NBAS: variants seen among roughly 807,000 people sequenced by gnomAD.
The protein encoded by NBAS is NBAS subunit of NRZ tethering complex, also known as NAG/BC035112 fusion.
NBAS carries 219 observed loss-of-function variants against 302.5 expected under a neutral mutation model. The ratio of observed to expected loss-of-function variants is 0.72; its 90% CI spans 0.65 to 0.81. The LOEUF is 0.81. NBAS is among the 30% of genes least tolerant of loss of function. NBAS has a pLI of 0.00. For missense variants in NBAS, 2,932 were observed against 2,841.6 expected (o/e 1.03, Z -0.72); for synonymous variants, 1,118 against 1,021.6 (o/e 1.09, Z -1.80).
chr2:14,816,243 T>A, the NBAS span, among the ~76,000 whole-genome samples: 1 of 152,190 alleles, frequency 6.6e-6, no homozygotes, highest in African/African-American at 2.4e-5. Flanking sequence ...AGGTGAGCAG[T>A]GTGAGTGAGC....
intron 16 of NBAS, among the ~76,000 whole-genome samples, chr2:15,472,788 T>G (rs1680015931): frequency 6.6e-6 from 1 of 152,212 alleles, no homozygotes; most frequent in Admixed American, 6.5e-5. Context: ...CATGGATATG[T>G]CCCTTCAGCC....
Position 15,208,008 on chromosome 2 carries a change from C to A in NBAS, c.6432+10765G>T, listed in dbSNP as rs117440885. On this transcript the variant is annotated intron_variant, in intron 48 of 51. Coordinates refer to ENST00000281513, the MANE Select transcript of NBAS (RefSeq NM_015909.4). ...TATAACAGTTGTAAATATATATGCA[C>A]CCAATGCTTGAGCACCCAGATATAT... 4.9e-4 allele frequency among the ~76,000 whole-genome samples: 74 copies of A among 149,892 alleles called. No individual in the cohort carries two copies. The East Asian group carries it at 0.014, about 29-fold the overall frequency.
chr2:15,054,389 G>A, the NBAS span, among the ~76,000 whole-genome samples: 8 of 152,286 alleles, frequency 5.3e-5, no homozygotes, highest in South Asian at 2.1e-4. Context: ...GTGTGGCTTG[G>A]GAGGGCACTG....
intron 47 of NBAS, among the ~76,000 whole-genome samples, chr2:15,226,382 G>C (rs1483077641): frequency 6.6e-6 from 1 of 151,944 alleles, no homozygotes; most frequent in Admixed American, 6.6e-5. Flanking sequence ...TCTTAGTGTT[G>C]AATTTTTTTT....
At chr2:15,065,909 C>A in the NBAS span, among the ~76,000 whole-genome samples, 11 of 152,022 alleles carry the variant, frequency 7.2e-5, no homozygotes, top group Admixed American at 2.0e-4. Context: ...TATGGAACCA[C>A]AAAATCCCTG....
chr2:15,148,070 A>G, the NBAS span, among the ~76,000 whole-genome samples: 1 of 152,236 alleles, frequency 6.6e-6, no homozygotes, highest in Non-Finnish European at 1.5e-5. Context: ...AGAGGGATAC[A>G]GAGAACCCCC....
the NBAS span, among the ~76,000 whole-genome samples, chr2:14,946,813 A>C: frequency 6.6e-6 from 1 of 152,196 alleles, no homozygotes; most frequent in African/African-American, 2.4e-5. Context: ...TCAATAAAGT[A>C]AAAATCATAT....
the NBAS span, among the ~76,000 whole-genome samples, chr2:14,834,872 C>T: frequency 1.3e-5 from 2 of 152,048 alleles, no homozygotes; most frequent in Non-Finnish European, 2.9e-5. Flanking sequence ...TAGGTGAGAA[C>T]TCTCTGGTGA....
chr2:15,167,881 G>A (rs1172155951), intron 51 of NBAS, among the ~76,000 whole-genome samples: 1 of 151,984 alleles, frequency 6.6e-6, no homozygotes, highest in Non-Finnish European at 1.5e-5. Context: ...AACCTTTTTT[G>A]TACTCCATTG....
At chr2:15,174,630 G>A (rs1664448301) in intron 51 of NBAS, among the ~76,000 whole-genome samples, 1 of 152,118 alleles carries the variant, frequency 6.6e-6, no homozygotes, top group Non-Finnish European at 1.5e-5. Flanking sequence ...TATGCCTCAA[G>A]GTGCTTTCAA....
the NBAS span, among the ~76,000 whole-genome samples, chr2:15,021,744 A>G: frequency 5.6e-4 from 85 of 152,330 alleles, no homozygotes; most frequent in African/African-American, 1.9e-3. Flanking sequence ...AGGCTTCTGG[A>G]CAGCACATAG....
At chr2:15,285,964 T>C (rs1670022887) in intron 42 of NBAS, among the ~76,000 whole-genome samples, 1 of 152,192 alleles carries the variant, frequency 6.6e-6, no homozygotes, top group African/African-American at 2.4e-5. Flanking sequence ...CTGGCCTCTC[T>C]TGCCTTTTCC....
chr2:14,846,910 G>T, the NBAS span, among the ~76,000 whole-genome samples: 1 of 151,736 alleles, frequency 6.6e-6, no homozygotes, highest in African/African-American at 2.4e-5. Context: ...GAAAGAGAAA[G>T]AGAAAAAAAC....
chr2:15,147,020 T>C, the NBAS span, among the ~76,000 whole-genome samples: 1 of 152,186 alleles, frequency 6.6e-6, no homozygotes, highest in South Asian at 2.1e-4. Context: ...CCACAGGTTC[T>C]CAGTAACATC....
chr2:14,823,617 G>A, the NBAS span, among the ~76,000 whole-genome samples: 3 of 152,246 alleles, frequency 2.0e-5, no homozygotes, highest in Admixed American at 6.5e-5. Flanking sequence ...TACATTTTTC[G>A]AAATGATTCG....
chr2:14,826,523 G>A, the NBAS span, among the ~76,000 whole-genome samples: 1 of 152,176 alleles, frequency 6.6e-6, no homozygotes, highest in Non-Finnish European at 1.5e-5. Flanking sequence ...CGTAGATGTG[G>A]CTAAATTCCA....
At chr2:15,504,783 C>A (rs1249824454) in intron 10 of NBAS, among the ~76,000 whole-genome samples, 1 of 152,062 alleles carries the variant, frequency 6.6e-6, no homozygotes. Flanking sequence ...AACCGTACAG[C>A]CACTGTGGAA....
chr2:15,489,339 T>C (rs1680761358), intron 11 of NBAS, among the ~76,000 whole-genome samples: 1 of 152,192 alleles, frequency 6.6e-6, no homozygotes, highest in African/African-American at 2.4e-5. Context: ...GAATTCTCAA[T>C]ACCTTTTAAG....
At chr2:15,215,286 T>C (rs1287099815) in intron 48 of NBAS, among the ~76,000 whole-genome samples, 1 of 152,192 alleles carries the variant, frequency 6.6e-6, no homozygotes, top group Non-Finnish European at 1.5e-5. Flanking sequence ...AACTAAAAAT[T>C]ACTGTCTCTC....
Sources: allele counts gnomAD v4.1 joint callset (sites outside exome capture counted in the v4.1 genomes callset), GRCh38; gene constraint gnomAD v4.1.1; transcripts MANE v1.5; gene names NCBI Gene and HGNC (gene_info 2026-07-23, HGNC 2026-07-21).